CBFA2T3: variants seen among roughly 807,000 people sequenced by gnomAD.
CBFA2T3 encodes the protein CBFA2/RUNX1 partner transcriptional co-repressor 3.
Under a neutral mutation model 58.6 loss-of-function variants are expected in CBFA2T3, and 31 were observed. The ratio of observed to expected loss-of-function variants is 0.53; its 90% CI spans 0.40 to 0.71. The LOEUF (loss-of-function observed/expected upper bound fraction) is 0.71, where lower values mean the gene tolerates loss of function less well. Ranked by LOEUF, CBFA2T3 falls within the 30% of genes least tolerant of loss-of-function variation. The pLI is 0.00. For synonymous variants in CBFA2T3, 531 were observed against 421.9 expected (o/e 1.26, Z -3.17); for missense variants, 1,076 against 963.1 (o/e 1.12, Z -1.55).
chr16:88,886,040 C>A lies in CBFA2T3; in HGVS notation c.814G>T (p.Ala272Ser), dbSNP rs1012839106. The A allele has an allele frequency of 1.3e-6, 2 of 1,577,446 alleles. No homozygotes were observed. Among genetic ancestry groups the A allele is most frequent in the Admixed American group, 3.7e-5 (2 of 53,850 alleles). ...GAGTCGATGGGGGAGGAGGCGCTGG[C>A]GTCCAGCAGGAGCTGCTCATGCTGG... ...LAQHEQLLLD[A>S]SASSPIDSSE... The change falls in exon 6 of 12, where the codon GCC becomes TCC. Residue 272 changes from alanine (A) to serine (S), a missense_variant. Ala to Ser is a moderately conservative substitution (Grantham distance 99, BLOSUM62 1). Transcript: ENST00000268679.
At chr16:88,961,697 G>A (rs8052023) in intron 1 of CBFA2T3, among the ~76,000 whole-genome samples, 176 of 98,504 alleles carry the variant, frequency 1.8e-3, no homozygotes, top group Non-Finnish European at 2.6e-3. Context: ...TCAGCGCTGG[G>A]CATTCCCACT....
chr16:88,901,558 G>A lies in CBFA2T3; in HGVS notation c.250C>T (p.Pro84Ser). Residue 84 changes from proline (P) to serine (S), a missense_variant, in exon 2 of 12, where the codon CCG becomes TCG. Coordinates refer to ENST00000268679, the MANE Select transcript of CBFA2T3 (RefSeq NM_005187.6). ...GTGGCCCCCTGGGATGCGGCAGGCG[G>A]TGGGGGCGGCATGCTGGGGGGTGTG... ...RSTPPSMPPP[P>S]PAASQGATRP... 6.8e-7 allele frequency: 1 copy of A among 1,479,976 alleles called. No homozygotes were observed. Among genetic ancestry groups the A allele is most frequent in the Admixed American group, 2.8e-5 (1 of 35,792 alleles). The allele number at this position is 1,479,976 out of a possible 1,614,324, so 91.7% of individuals were successfully genotyped here. A position where few individuals can be genotyped will look rare whatever the true frequency, so the allele number is the denominator to read the frequency against.
chr16:88,878,906 A>C (rs1463220874), intron 11 of CBFA2T3, among the ~76,000 whole-genome samples: 2 of 152,198 alleles, frequency 1.3e-5, no homozygotes, highest in Non-Finnish European at 2.9e-5. Flanking sequence ...AGGTCATGCC[A>C]CAGCAACAAG....
intron 1 of CBFA2T3, among the ~76,000 whole-genome samples, chr16:88,908,882 A>C (rs1312661375): frequency 6.6e-6 from 1 of 152,240 alleles, no homozygotes; most frequent in African/African-American, 2.4e-5. Flanking sequence ...TGACCTGAGC[A>C]TTTTGTGCAG....
chr16:88,901,805 G>A (rs950780556), intron 1 of CBFA2T3, 149 bp from the exon 2 acceptor site: 14 of 642,646 alleles, frequency 2.2e-5, no homozygotes, highest in Non-Finnish European at 3.4e-5. Flanking sequence ...GGTGGCTGAC[G>A]TCCCACGTGC....
chr16:88,903,181 ACGGATAAATGACT>A (rs1970167627), intron 1 of CBFA2T3, among the ~76,000 whole-genome samples: 1 of 152,214 alleles, frequency 6.6e-6, no homozygotes, highest in Admixed American at 6.5e-5. Context: ...GTGGAAGGTG[ACGGATAAATGACT>A]TCTACAGCGA....
intron 1 of CBFA2T3, among the ~76,000 whole-genome samples, chr16:88,966,998 G>A (rs1015283220): frequency 3.9e-5 from 6 of 152,218 alleles, no homozygotes; most frequent in Admixed American, 6.5e-5. Flanking sequence ...GGCCCCAGGG[G>A]ACGAGGGAAA....
chr16:88,945,198 A>T (rs1031507903), intron 1 of CBFA2T3, among the ~76,000 whole-genome samples: 6 of 152,254 alleles, frequency 3.9e-5, no homozygotes, highest in Non-Finnish European at 2.9e-5. Context: ...TTCATTAAAA[A>T]TATCTGAATA....
At chr16:88,894,875 G>T (rs1023932289) in intron 3 of CBFA2T3, among the ~76,000 whole-genome samples, 1 of 152,252 alleles carries the variant, frequency 6.6e-6, no homozygotes, top group Non-Finnish European at 1.5e-5. Context: ...GGATGGAGAC[G>T]CCCCTGGGCT....
In CBFA2T3 at chr16:88,975,786, G is replaced by T. The variant is rs144222561; in HGVS notation, c.151+871C>A. 1.6e-3 allele frequency among the ~76,000 whole-genome samples: 247 copies of T among 152,378 alleles called. 1 individual carries two copies. Among genetic ancestry groups the T allele is most frequent in the African/African-American group, 5.6e-3 (231 of 41,594 alleles). On this transcript the variant is annotated intron_variant, in intron 1 of 11. Transcript: ENST00000268679. ...AACAGCCTCAGGCAGCCGCCGCCAGGACCTGCTCAGGGAATGTGGTCTCCA... is the reference window on the plus strand; with the variant it reads ...AACAGCCTCAGGCAGCCGCCGCCAGTACCTGCTCAGGGAATGTGGTCTCCA...
chr16:88,931,908 C>T (rs1259407137), intron 1 of CBFA2T3, among the ~76,000 whole-genome samples: 1 of 152,108 alleles, frequency 6.6e-6, no homozygotes, highest in Non-Finnish European at 1.5e-5. Context: ...CGCCGGGGCA[C>T]TTATCATTTG....
rs576053500 is a variant in CBFA2T3, at chr16:88,908,440, C to A, written c.152-6784G>T. ...GCCGTTTCTTTCCCAGACGGCACATCCAGTTCCCAGCAAAATGTCACTAAC... is the reference window on the plus strand; with the variant it reads ...GCCGTTTCTTTCCCAGACGGCACATACAGTTCCCAGCAAAATGTCACTAAC... On this transcript the variant is annotated intron_variant, in intron 1 of 11. Coordinates refer to ENST00000268679, the MANE Select transcript of CBFA2T3 (RefSeq NM_005187.6). Among the ~76,000 whole-genome samples the A allele has an allele frequency of 3.9e-5, 6 of 152,354 alleles. No individual in the cohort carries two copies. In the East Asian group the frequency reaches 5.8e-4, roughly 15 times the overall value.
chr16:88,903,980 G>A (rs1243613035), intron 1 of CBFA2T3, among the ~76,000 whole-genome samples: 1 of 152,238 alleles, frequency 6.6e-6, no homozygotes, highest in Non-Finnish European at 1.5e-5. Flanking sequence ...GGCGCTCGTA[G>A]GATGGACGGA....
intron 1 of CBFA2T3, among the ~76,000 whole-genome samples, chr16:88,935,562 GC>G (rs1402985444): frequency 1.3e-5 from 2 of 152,236 alleles, no homozygotes; most frequent in Non-Finnish European, 2.9e-5. Context: ...TTGGCCCCAA[GC>G]TTGCAGGCTG....
At position 88,885,533 on chromosome 16, in the gene CBFA2T3, C is replaced by T. The variant is rs944494887; in HGVS notation, c.894-264G>A. Among the ~76,000 whole-genome samples, 5 of 152,154 alleles carry T rather than the reference C, an allele frequency of 3.3e-5. No homozygotes were observed. The highest frequency in any genetic ancestry group is 6.3e-3 in the Middle Eastern group (2 of 316). On this transcript the variant is annotated intron_variant, in intron 6 of 11. Coordinates refer to ENST00000268679, the MANE Select transcript of CBFA2T3 (RefSeq NM_005187.6). This position sits in a 1 kb window ranked among gnomAD's most constrained non-coding sequence, Gnocchi z 5.3. ...GGCCTGGTGGTCAAAGAGCCGGACT[C>T]GCTGCTCTGGGAACGAGGAGAGGGA... is the stretch of plus-strand genomic sequence containing the variant.
At chr16:88,913,809 A>G (rs975363082) in intron 1 of CBFA2T3, among the ~76,000 whole-genome samples, 9 of 152,148 alleles carry the variant, frequency 5.9e-5, no homozygotes, top group African/African-American at 2.2e-4. Flanking sequence ...TAAATTATCT[A>G]CTCGACACAA....
chr16:88,903,042 G>C (rs761113767), intron 1 of CBFA2T3, among the ~76,000 whole-genome samples: 1 of 152,212 alleles, frequency 6.6e-6, no homozygotes, highest in Non-Finnish European at 1.5e-5. Flanking sequence ...CACAGTTGGG[G>C]GCTGGTATCT....
chr16:88,916,598 C>T (rs1006953886), intron 1 of CBFA2T3, among the ~76,000 whole-genome samples: 8 of 114,630 alleles, frequency 7.0e-5, no homozygotes, highest in Admixed American at 1.4e-4. Flanking sequence ...GATCTGCAGA[C>T]AGAGCTTCTC....
rs1399702385 is a variant in CBFA2T3 at position 88,953,434 on chromosome 16, A to G, written c.151+23223T>C. 7.3e-6 allele frequency among the ~76,000 whole-genome samples: 1 copy of G among 136,274 alleles called. No individual in the cohort carries two copies. Among genetic ancestry groups the G allele is most frequent in the Non-Finnish European group, 1.5e-5 (1 of 66,490 alleles). 89.4% of individuals were successfully genotyped at this position (136,274 alleles called of 152,430 possible). A position where few individuals can be genotyped will look rare whatever the true frequency, so the allele number is the denominator to read the frequency against. On this transcript the variant is annotated intron_variant, in intron 1 of 11. Coordinates refer to ENST00000268679, the MANE Select transcript of CBFA2T3 (RefSeq NM_005187.6). This position sits in a 1 kb window ranked among gnomAD's most constrained non-coding sequence, Gnocchi z 4.9. ...GGAGACACTGTGTCCAGAGGCCAGC[A>G]TAGCCCTCAAAACGGTTCCCACAGC...
Sources: allele counts gnomAD v4.1 joint callset (sites outside exome capture counted in the v4.1 genomes callset), GRCh38; gene constraint gnomAD v4.1.1; non-coding constraint Gnocchi (gnomAD v3.1); transcripts MANE v1.5; gene names NCBI Gene and HGNC (gene_info 2026-07-23, HGNC 2026-07-21).